FBN3: variants seen among roughly 807,000 people sequenced by gnomAD.
The protein encoded by FBN3 is fibrillin 3, also known as fibrillin-3.
Under a neutral mutation model 330.1 loss-of-function variants are expected in FBN3, and 234 were observed. That is an observed-to-expected ratio of 0.71 (90% CI 0.64 to 0.79). The LOEUF is 0.79. Ranked by LOEUF, FBN3 falls within the 30% of genes least tolerant of loss-of-function variation. FBN3 has a pLI of 0.00. For synonymous variants in FBN3, 1,458 were observed against 1,517.3 expected (o/e 0.96, Z 0.91); for missense variants, 3,606 against 3,886.9 (o/e 0.93, Z 1.92).
chr19:8,146,896 A>T (rs2083558893), intron 3 of FBN3, among the ~76,000 whole-genome samples: 1 of 152,216 alleles, frequency 6.6e-6, no homozygotes, highest in Non-Finnish European at 1.5e-5. Context: ...CCAGAGAGAC[A>T]GACAGACACA....
chr19:8,074,889 A>AG, intron 61 of FBN3, 182 bp downstream of exon 61: 1 of 693,106 alleles, frequency 1.4e-6, no homozygotes, highest in Non-Finnish European at 2.2e-6. Flanking sequence ...ACACTTTTTG[A>AG]TGCTTATTCT....
chr19:8,135,258 C>A (rs964766786), intron 13 of FBN3, among the ~76,000 whole-genome samples: 15 of 151,846 alleles, frequency 9.9e-5, no homozygotes, highest in African/African-American at 3.6e-4. Context: ...CAGTTGTGAG[C>A]CACCAAGCTT....
Position 8,111,080 on chromosome 19 carries a change from G to A in FBN3, c.4188C>T (p.Thr1396=), listed in dbSNP as rs779565138. Residue 1396 remains threonine, a synonymous_variant, in exon 33 of 64, where the codon ACC becomes ACT. Coordinates refer to ENST00000600128, the MANE Select transcript of FBN3 (RefSeq NM_032447.5). ...TACCCTGGCAGGCCCGGTGGTCCTCGGTGGGGTCAAAGCCCATCTCACATT... is the reference window on the plus strand; with the variant it reads ...TACCCTGGCAGGCCCGGTGGTCCTCAGTGGGGTCAAAGCCCATCTCACATT... ...RCECEMGFDP[T]EDHRACQDVD... 24 of 1,613,260 alleles carry A rather than the reference G, an allele frequency of 1.5e-5. No homozygotes were observed. The Middle Eastern group carries it at 4.9e-4, about 33-fold the overall frequency.
chr19:8,133,813 A>C (rs1264457370), intron 13 of FBN3, among the ~76,000 whole-genome samples: 1 of 152,176 alleles, frequency 6.6e-6, no homozygotes, highest in Non-Finnish European at 1.5e-5. Flanking sequence ...TTTCATAAAA[A>C]GGAAATGGAA....
In FBN3 at chr19:8,130,137, A is replaced by G. The variant is rs575344376; in HGVS notation, c.2045-772T>C. Among the ~76,000 whole-genome samples, 7 of 151,892 alleles carry G rather than the reference A, an allele frequency of 4.6e-5. No homozygotes were observed. In the East Asian group the frequency reaches 1.4e-3, roughly 30 times the overall value. On this transcript the variant is annotated intron_variant, in intron 16 of 63. Coordinates refer to ENST00000600128, the MANE Select transcript of FBN3 (RefSeq NM_032447.5). ...GGTGTGGAACTCCTGACCTCAAGTGATCCACCTCCCTCAGCCTCCCAAAGT... is the reference window on the plus strand; with the variant it reads ...GGTGTGGAACTCCTGACCTCAAGTGGTCCACCTCCCTCAGCCTCCCAAAGT...
chr19:8,120,788 T>G (rs1208392439), intron 25 of FBN3, among the ~76,000 whole-genome samples: 1 of 152,192 alleles, frequency 6.6e-6, no homozygotes, highest in African/African-American at 2.4e-5. Flanking sequence ...AGTTTTGCAT[T>G]TCCTCAGCGA....
chr19:8,143,819 C>CTTTT (rs1225164430), intron 6 of FBN3, among the ~76,000 whole-genome samples: 22,220 of 116,800 alleles, frequency 0.19, 2,050 homozygotes, highest in Non-Finnish European at 0.22. Flanking sequence ...TTCTTTCTTT[C>CTTTT]TTTTTTTTTT....
chr19:8,126,675 C>T (rs748231440), intron 19 of FBN3, 38 bp downstream of exon 19: 5 of 1,587,786 alleles, frequency 3.1e-6, no homozygotes, highest in East Asian at 4.5e-5. Flanking sequence ...CATAGACGCC[C>T]AGCCTCTGGA....
At chr19:8,080,649 G>A (rs539845561) in intron 59 of FBN3, among the ~76,000 whole-genome samples, 3 of 152,000 alleles carry the variant, frequency 2.0e-5, no homozygotes, top group East Asian at 1.9e-4. Flanking sequence ...ACAGAGTTTC[G>A]CTCTTGTTGC....
In FBN3 at chr19:8,121,410, C is replaced by T. The variant is rs376355166; in HGVS notation, c.3083-24G>A. 67 of 1,569,202 alleles carry T rather than the reference C, an allele frequency of 4.3e-5. No homozygotes were observed. Among genetic ancestry groups the T allele is most frequent in the African/African-American group, 1.6e-4 (12 of 74,040 alleles). ...ATCTGTGGGGAGAGGGGGCAGAGGC[C>T]GGAGGCGCCATGTGGGCCGCATCAT... On this transcript the variant is annotated intron_variant, in intron 24 of 63. Coordinates refer to ENST00000600128, the MANE Select transcript of FBN3 (RefSeq NM_032447.5). This position sits in a 1 kb window ranked among gnomAD's most constrained non-coding sequence, Gnocchi z 4.5.
In FBN3 at chr19:8,123,817, G is replaced by T; in HGVS notation, c.2923C>A (p.Arg975=). The T allele has an allele frequency of 3.1e-6, 5 of 1,613,026 alleles. No individual in the cohort carries two copies. Among genetic ancestry groups the T allele is most frequent in the South Asian group, 2.2e-5 (2 of 91,060 alleles). Reference sequence around the variant, plus strand: ...AATGGTCGGCCAGACAGGAAGTCCCGGCTGGCGAAGCCCAGCCCCCGCGGG... The same window carrying T: ...AATGGTCGGCCAGACAGGAAGTCCCTGCTGGCGAAGCCCAGCCCCCGCGGG... ...LCPRGLGFAS[R]DFLSGRPFYK... Residue 975 remains arginine (R), a synonymous_variant, in exon 23 of 64, where the codon CGG becomes AGG. Coordinates refer to ENST00000600128, the MANE Select transcript of FBN3 (RefSeq NM_032447.5).
chr19:8,148,639 G>A (rs2083606101), intron 1 of FBN3: 2 of 152,308 alleles, frequency 1.3e-5, no homozygotes, highest in South Asian at 2.1e-4. Context: ...AGACCAAGTG[G>A]CCTTCCTGTT....
chr19:8,074,833 C>G, intron 61 of FBN3: 1 of 487,602 alleles, frequency 2.1e-6, no homozygotes, highest in South Asian at 3.7e-5. Context: ...CAGAATCTTT[C>G]TCAACTGAGT....
At chr19:8,092,781 G>A (rs540139004) in intron 47 of FBN3, among the ~76,000 whole-genome samples, 49 of 150,440 alleles carry the variant, frequency 3.3e-4, no homozygotes, top group East Asian at 9.9e-4. Context: ...GCTGGAGGCC[G>A]TTATTCTAAG....
chr19:8,145,613 G>A (rs1039355828), intron 5 of FBN3, among the ~76,000 whole-genome samples: 1 of 150,010 alleles, frequency 6.7e-6, no homozygotes, highest in Non-Finnish European at 1.5e-5. Context: ...CCTGGGAGGC[G>A]GAGCTTGCAG....
chr19:8,083,520 AC>A, intron 56 of FBN3, 148 bp from the exon 57 acceptor site: 1 of 918,508 alleles, frequency 1.1e-6, no homozygotes, highest in Non-Finnish European at 1.7e-6. Context: ...GCCCACGTGG[AC>A]CCCATCCTCA....
intron 63 of FBN3, among the ~76,000 whole-genome samples, chr19:8,070,569 G>A (rs2081489373): frequency 6.6e-6 from 1 of 152,162 alleles, no homozygotes; most frequent in Non-Finnish European, 1.5e-5. Context: ...AAGACAGAGG[G>A]GCCCAGGATG....
In FBN3 at chr19:8,117,304, G is replaced by T. The variant is rs754093470; in HGVS notation, c.3464-13C>A. The T allele has an allele frequency of 2.2e-5, 35 of 1,611,130 alleles. No individual in the cohort carries two copies. The East Asian group carries it at 7.8e-4, about 36-fold the overall frequency. On this transcript the variant is annotated splice_polypyrimidine_tract_variant and intron_variant, in intron 27 of 63. Coordinates refer to ENST00000600128, the MANE Select transcript of FBN3 (RefSeq NM_032447.5). Reference sequence around the variant, plus strand: ...CATTCGTTGATGTCTGCAGGATGCAGGGCAGACAGGGGCTGGGGCTGGGGG... The same window carrying T: ...CATTCGTTGATGTCTGCAGGATGCATGGCAGACAGGGGCTGGGGCTGGGGG...
At position 8,141,962 on chromosome 19, in the gene FBN3, A is replaced by G; in HGVS notation, c.717T>C (p.Asn239=). The change falls in exon 7 of 64, where the codon AAT becomes AAC. Residue 239 remains asparagine, a synonymous_variant. Coordinates refer to ENST00000600128, the MANE Select transcript of FBN3 (RefSeq NM_032447.5). ...CACCTTGGCAGGCCCCCGTGTGGATATTGGGGATGAAGCCGCGGCGGCAGG... is the reference window on the plus strand; with the variant it reads ...CACCTTGGCAGGCCCCCGTGTGGATGTTGGGGATGAAGCCGCGGCGGCAGG... ...PHPCRRGFIP[N]IHTGACQDVD... The G allele has an allele frequency of 6.2e-7, 1 of 1,613,930 alleles. No individual in the cohort carries two copies. The highest frequency in any genetic ancestry group is 8.5e-7 in the Non-Finnish European group (1 of 1,179,920).
Sources: allele counts gnomAD v4.1 joint callset (sites outside exome capture counted in the v4.1 genomes callset), GRCh38; gene constraint gnomAD v4.1.1; non-coding constraint Gnocchi (gnomAD v3.1); transcripts MANE v1.5; gene names NCBI Gene and HGNC (gene_info 2026-07-23, HGNC 2026-07-21).